Variants in RAD51B observed in about 807,000 individuals in gnomAD.
RAD51B encodes the protein RAD51 paralog B.
Under a neutral mutation model 42.2 loss-of-function variants are expected in RAD51B, and 38 were observed. That is an observed-to-expected ratio of 0.90 (90% CI 0.70 to 1.18). The LOEUF (loss-of-function observed/expected upper bound fraction) is 1.18. Ranked by LOEUF, RAD51B falls within the 50% of genes most tolerant of loss-of-function variation. The pLI is 0.00. For missense variants in RAD51B, 373 were observed against 400.7 expected (o/e 0.93, Z 0.59); for synonymous variants, 154 against 145.2 (o/e 1.06, Z -0.43).
intron 8 of RAD51B, among the ~76,000 whole-genome samples, chr14:68,364,120 T>C (rs970918935): frequency 3.9e-5 from 6 of 152,162 alleles, no homozygotes; most frequent in Admixed American, 6.5e-5. Context: ...TAACCCTCTC[T>C]CCTTCCGCCT....
intron 10 of RAD51B, chr14:68,496,976 A>G: frequency 1.4e-6 from 1 of 696,752 alleles, no homozygotes; most frequent in Non-Finnish European, 2.1e-6. Flanking sequence ...TCAACTCTTC[A>G]AATGAGGTTG....
At chr14:68,303,686 G>A (rs2081797557) in intron 8 of RAD51B, among the ~76,000 whole-genome samples, 1 of 152,146 alleles carries the variant, frequency 6.6e-6, no homozygotes, top group Admixed American at 6.5e-5. Flanking sequence ...CTGAGATGTT[G>A]GGTGGCCAGG....
At chr14:67,958,432 C>T (rs1418367978) in intron 7 of RAD51B, among the ~76,000 whole-genome samples, 3 of 152,120 alleles carry the variant, frequency 2.0e-5, no homozygotes, top group African/African-American at 7.2e-5. Flanking sequence ...GAGGCACTCT[C>T]TTGAAAAAAG....
intron 7 of RAD51B, among the ~76,000 whole-genome samples, chr14:68,059,443 A>G (rs1566613340): frequency 6.6e-6 from 1 of 151,946 alleles, no homozygotes; most frequent in Non-Finnish European, 1.5e-5. Flanking sequence ...ACTCTCTCTC[A>G]TGTCTTCCTT....
chr14:68,350,873 G>A (rs1441897379), intron 8 of RAD51B, among the ~76,000 whole-genome samples: 2 of 152,200 alleles, frequency 1.3e-5, no homozygotes, highest in East Asian at 1.9e-4. Flanking sequence ...TTGTGAACCA[G>A]TGTAGCAGAA....
intron 7 of RAD51B, among the ~76,000 whole-genome samples, chr14:68,146,466 C>G (rs575191433): frequency 6.6e-6 from 1 of 151,938 alleles, no homozygotes; most frequent in African/African-American, 2.4e-5. Flanking sequence ...TTAGAATCGT[C>G]GCAGGAGGTG....
At chr14:68,451,656 T>C (rs2140187617) in intron 9 of RAD51B, among the ~76,000 whole-genome samples, 1 of 152,328 alleles carries the variant, frequency 6.6e-6, no homozygotes, top group African/African-American at 2.4e-5. Flanking sequence ...AGGGAAATAG[T>C]AAGAATGCTG....
At chr14:68,148,665 G>A (rs767850039) in intron 7 of RAD51B, among the ~76,000 whole-genome samples, 54 of 152,142 alleles carry the variant, frequency 3.5e-4, no homozygotes, top group Non-Finnish European at 7.1e-4. Flanking sequence ...ATACTCTCTC[G>A]TGATACTGTG....
intron 8 of RAD51B, among the ~76,000 whole-genome samples, chr14:68,328,835 G>A (rs938553492): frequency 1.3e-5 from 2 of 152,136 alleles, no homozygotes; most frequent in Non-Finnish European, 2.9e-5. Flanking sequence ...CCACCACTTT[G>A]GAGAAGCCTG....
chr14:68,271,111 T>C (rs2081096612), intron 7 of RAD51B, among the ~76,000 whole-genome samples: 1 of 152,212 alleles, frequency 6.6e-6, no homozygotes, highest in Non-Finnish European at 1.5e-5. Context: ...TTACCCTAGT[T>C]TGTTTCCCAT....
At chr14:68,536,382 AT>A (rs1214720726) in intron 10 of RAD51B, among the ~76,000 whole-genome samples, 1 of 152,254 alleles carries the variant, frequency 6.6e-6, no homozygotes, top group African/African-American at 2.4e-5. Flanking sequence ...TATATAAAAC[AT>A]TTCAACTTGA....
intron 3 of RAD51B, among the ~76,000 whole-genome samples, chr14:67,828,572 G>C (rs1194675545): frequency 6.6e-6 from 1 of 152,076 alleles, no homozygotes; most frequent in East Asian, 1.9e-4. Flanking sequence ...GTTCTGAATG[G>C]TATTGCCTAG....
At chr14:68,421,973 A>G in intron 9 of RAD51B, 1 of 1,537,576 alleles carries the variant, frequency 6.5e-7, no homozygotes, top group Non-Finnish European at 9.0e-7. Context: ...TGGACTTGCC[A>G]CCAGTGCCAT....
At chr14:68,217,280 A>C (rs2079835656) in intron 7 of RAD51B, among the ~76,000 whole-genome samples, 1 of 152,058 alleles carries the variant, frequency 6.6e-6, no homozygotes, top group African/African-American at 2.4e-5. Context: ...TCTTTTCTAA[A>C]TCCAGCCCTC....
intron 8 of RAD51B, among the ~76,000 whole-genome samples, chr14:68,383,433 G>A (rs1387622675): frequency 6.6e-6 from 1 of 152,206 alleles, no homozygotes; most frequent in Non-Finnish European, 1.5e-5. Flanking sequence ...AGCCCAAAGT[G>A]ACAGGGTGCT....
chr14:67,973,992 T>C (rs2074944408), intron 7 of RAD51B, among the ~76,000 whole-genome samples: 1 of 152,160 alleles, frequency 6.6e-6, no homozygotes, highest in African/African-American at 2.4e-5. Flanking sequence ...CAAGGGAATA[T>C]GGAATTTTAG....
At chr14:68,331,366 T>TAAAAAAAAAAAA (rs1477806707) in intron 8 of RAD51B, among the ~76,000 whole-genome samples, 1 of 14,130 alleles carries the variant, frequency 7.1e-5, no homozygotes, top group African/African-American at 1.7e-4. Context: ...AGACTCTGTC[T>TAAAAAAAAAAAA]CAAAAAAAAA....
rs61985102 is a variant in RAD51B at position 68,227,587 on chromosome 14, A to G, written c.757-64297A>G. The stretch of plus-strand genomic sequence containing the variant: ...CAATTTATATTAATATTTCCAATGT[A>G]GCGATAATACTGTCCTCCTCAGCAA... On this transcript the variant is annotated intron_variant, in intron 7 of 10. Transcript: ENST00000471583. 9.3e-3 allele frequency among the ~76,000 whole-genome samples: 1,419 copies of G among 152,326 alleles called. 15 individuals are homozygous for G. The highest frequency in any genetic ancestry group is 0.014 in the Non-Finnish European group (978 of 68,030).
At chr14:68,637,675 G>T (rs1478900029) in intron 10 of RAD51B, among the ~76,000 whole-genome samples, 1 of 152,194 alleles carries the variant, frequency 6.6e-6, no homozygotes, top group Non-Finnish European at 1.5e-5. Flanking sequence ...AGACAATTGT[G>T]GTAGTCAAGA....
Sources: allele counts gnomAD v4.1 joint callset (sites outside exome capture counted in the v4.1 genomes callset), GRCh38; gene constraint gnomAD v4.1.1; transcripts MANE v1.5; gene names NCBI Gene and HGNC (gene_info 2026-07-23, HGNC 2026-07-21).